SLC19A2: variants seen among roughly 807,000 people sequenced by gnomAD.
SLC19A2 encodes the protein solute carrier family 19 member 2, also known as thiamine transporter 1.
SLC19A2 carries 27 observed loss-of-function variants against 44.7 expected under a neutral mutation model. The ratio of observed to expected loss-of-function variants is 0.60; its 90% CI spans 0.45 to 0.83. SLC19A2 has a LOEUF of 0.83. Ranked by LOEUF, SLC19A2 falls within the 40% of genes least tolerant of loss-of-function variation. The pLI is 0.00. For synonymous variants in SLC19A2, 239 were observed against 243.6 expected (o/e 0.98, Z 0.18); for missense variants, 566 against 613.7 (o/e 0.92, Z 0.82).
chr1:169,485,931 C>T lies in SLC19A2; in HGVS notation c.-165G>A, dbSNP rs1210978958. On this transcript the variant is annotated 5_prime_UTR_variant, in exon 1 of 6. Coordinates refer to ENST00000236137, the MANE Select transcript of SLC19A2 (RefSeq NM_006996.3). ...CGGCTACAGAACCCCCAGCTTTACC[C>T]TACAGACGCCTCTAGGGTCGCTGCC... 1 of 807,422 alleles carries T rather than the reference C, an allele frequency of 1.2e-6. No individual in the cohort carries two copies. Among genetic ancestry groups the T allele is most frequent in the African/African-American group, 1.8e-5 (1 of 57,114 alleles). The allele number at this position is 807,422 out of a possible 1,614,324, so 50.0% of individuals were successfully genotyped here. A position where few individuals can be genotyped will look rare whatever the true frequency, so the allele number is the denominator to read the frequency against.
intron 2 of SLC19A2, among the ~76,000 whole-genome samples, chr1:169,476,032 T>C (rs781391344): frequency 5.3e-4 from 80 of 152,208 alleles, no homozygotes; most frequent in Middle Eastern, 3.4e-3. Flanking sequence ...GGAATGTTAA[T>C]AGGCTTATTT....
At chr1:169,470,947 G>C (rs1466224026) in intron 2 of SLC19A2, among the ~76,000 whole-genome samples, 1 of 151,886 alleles carries the variant, frequency 6.6e-6, no homozygotes, top group Non-Finnish European at 1.5e-5. Flanking sequence ...GGAAGGCCGG[G>C]TGTAGTGACT....
intron 1 of SLC19A2, among the ~76,000 whole-genome samples, chr1:169,482,341 A>G (rs948417947): frequency 2.0e-5 from 3 of 152,182 alleles, no homozygotes; most frequent in Admixed American, 2.0e-4. Flanking sequence ...GGGGTTCAAA[A>G]CCAGCCTGGC....
intron 1 of SLC19A2, among the ~76,000 whole-genome samples, chr1:169,483,813 A>G (rs1395804389): frequency 1.3e-5 from 2 of 152,254 alleles, no homozygotes; most frequent in Non-Finnish European, 2.9e-5. Flanking sequence ...ATCACATGGC[A>G]GTTCACATGA....
chr1:169,467,428 T>A (rs1658063417), intron 5 of SLC19A2, among the ~76,000 whole-genome samples: 1 of 152,178 alleles, frequency 6.6e-6, no homozygotes, highest in African/African-American at 2.4e-5. Flanking sequence ...CAAAGTTAAT[T>A]ACGGCTAATA....
chr1:169,483,809 T>C (rs1658494334), intron 1 of SLC19A2, among the ~76,000 whole-genome samples: 1 of 152,232 alleles, frequency 6.6e-6, no homozygotes, highest in African/African-American at 2.4e-5. Flanking sequence ...GCAGATCACA[T>C]GGCAGTTCAC....
intron 1 of SLC19A2, among the ~76,000 whole-genome samples, chr1:169,477,969 C>T (rs1658364199): frequency 6.6e-6 from 1 of 152,066 alleles, no homozygotes; most frequent in African/African-American, 2.4e-5. Flanking sequence ...TGCAGTGGTA[C>T]GATCTTGGCT....
In SLC19A2 at chr1:169,477,405, G is replaced by A. The variant is rs767845548; in HGVS notation, c.557C>T (p.Ser186Leu). ...AGAGATGACATTCAGGCTGAACAGC[G>A]ACCAGCCTGCCACTGAGACAAGGAT... The part of the protein sequence containing the change: ...GQILVSVAGW[S>L]LFSLNVISLT... The change falls in exon 2 of 6, where the codon TCG (serine) becomes TTG (leucine). Residue 186 changes from serine to leucine, a missense_variant. Transcript: ENST00000236137. 4.7e-5 allele frequency: 76 copies of A among 1,614,020 alleles called. No homozygotes were observed. Among genetic ancestry groups the A allele is most frequent in the Non-Finnish European group, 9.3e-6 (11 of 1,180,040 alleles).
At position 169,485,918 on chromosome 1, in the gene SLC19A2, C is replaced by T. The variant is rs1658557375; in HGVS notation, c.-152G>A. ...TCGCCGCCGCCTCCGGCTACAGAACCCCCAGCTTTACCCTACAGACGCCTC... is the reference window on the plus strand; with the variant it reads ...TCGCCGCCGCCTCCGGCTACAGAACTCCCAGCTTTACCCTACAGACGCCTC... On this transcript the variant is annotated 5_prime_UTR_variant, in exon 1 of 6. Transcript: ENST00000236137. 13 of 932,840 alleles carry T rather than the reference C, an allele frequency of 1.4e-5. No homozygotes were observed. Among genetic ancestry groups the T allele is most frequent in the Non-Finnish European group, 1.7e-5 (11 of 640,328 alleles). The allele number at this position is 932,840 out of a possible 1,614,324, so 57.8% of individuals were successfully genotyped here. A position where few individuals can be genotyped will look rare whatever the true frequency, so the allele number is the denominator to read the frequency against.
In SLC19A2 at chr1:169,477,714, A is replaced by G; in HGVS notation, c.248T>C (p.Val83Ala). 4 of 1,613,804 alleles carry G rather than the reference A, an allele frequency of 2.5e-6. No individual in the cohort carries two copies. The highest frequency in any genetic ancestry group is 3.4e-6 in the Non-Finnish European group (4 of 1,179,862). Residue 83 changes from valine to alanine, a missense_variant, in exon 2 of 6, where the codon GTG becomes GCG. By Grantham distance (64) the Val-to-Ala change is moderately conservative. Coordinates refer to ENST00000236137, the MANE Select transcript of SLC19A2 (RefSeq NM_006996.3). Reference protein sequence around the residue: ...IYPVWTYSYLVLLFPVFLATD... With the variant: ...IYPVWTYSYLALLFPVFLATD... ...GGCAAGGAACACAGGAAACAGTAGC[A>G]CCAGGTAAGAGTAAGTCCATACTGG...
At position 169,468,187 on chromosome 1, in the gene SLC19A2, A is replaced by T; in HGVS notation, c.1289T>A (p.Ile430Asn). ...GAGCAGCGTCTGCAGTGCCAGGGCAATGAAGGTATTTACACCAAATACTAG... is the reference window on the plus strand; with the variant it reads ...GAGCAGCGTCTGCAGTGCCAGGGCATTGAAGGTATTTACACCAAATACTAG... ...YALVFGVNTF[I>N]ALALQTLLTL... is the part of the protein sequence containing the mutation. Residue 430 changes from isoleucine (I) to asparagine (N), a missense_variant, in exon 5 of 6, where the codon ATT becomes AAT. Transcript: ENST00000236137. 2 of 1,613,958 alleles carry T rather than the reference A, an allele frequency of 1.2e-6. No individual in the cohort carries two copies. The highest frequency in any genetic ancestry group is 1.7e-6 in the Non-Finnish European group (2 of 1,179,812).
In SLC19A2 at chr1:169,473,432, C is replaced by T. The variant is rs187038271; in HGVS notation, c.808-3246G>A. Among the ~76,000 whole-genome samples the T allele has an allele frequency of 2.2e-3, 333 of 148,930 alleles. 1 individual carries two copies. Among genetic ancestry groups the T allele is most frequent in the African/African-American group, 7.9e-3 (320 of 40,364 alleles). ...GTATTTTTTTTTTTTTTTTAGCAGACATCGTGTTTCACTATGTTGGCAAGG... is the reference window on the plus strand; with the variant it reads ...GTATTTTTTTTTTTTTTTTAGCAGATATCGTGTTTCACTATGTTGGCAAGG... On this transcript the variant is annotated intron_variant, in intron 2 of 5. Coordinates refer to ENST00000236137, the MANE Select transcript of SLC19A2 (RefSeq NM_006996.3).
chr1:169,485,901 G>T lies in SLC19A2; in HGVS notation c.-135C>A, dbSNP rs963860058. 2 of 1,055,306 alleles carry T rather than the reference G, an allele frequency of 1.9e-6. No individual in the cohort carries two copies. Among genetic ancestry groups the T allele is most frequent in the African/African-American group, 1.6e-5 (1 of 61,816 alleles). The allele number at this position is 1,055,306 out of a possible 1,614,324, so 65.4% of individuals were successfully genotyped here. The stretch of plus-strand genomic sequence containing the variant: ...GCCAGGACGTTCTGGACTCGCCGCC[G>T]CCTCCGGCTACAGAACCCCCAGCTT... On this transcript the variant is annotated 5_prime_UTR_variant, in exon 1 of 6. Transcript: ENST00000236137.
At chr1:169,471,698 G>GTGTGTGTGTGTGTGTGTGTGTGTA (rs1553212202) in intron 2 of SLC19A2, among the ~76,000 whole-genome samples, 293 of 146,942 alleles carry the variant, frequency 2.0e-3, no homozygotes, top group Middle Eastern at 6.9e-3. Context: ...GTGTGTGTGT[G>GTGTGTGTGTGTGTGTGTGTGTGTA]TATATATACA....
rs1292294240 is a variant in SLC19A2 at position 169,485,695 on chromosome 1, C to T, written c.72G>A (p.Arg24=). The change falls in exon 1 of 6, where the codon CGG becomes CGA. Residue 24 remains arginine (R), a synonymous_variant. Coordinates refer to ENST00000236137, the MANE Select transcript of SLC19A2 (RefSeq NM_006996.3). ...GCAAGAACCAGCATTCGCGACGGAC[C>T]CGAGCGGTCCGCAGGAGCACAGTGG... ...AAATVLLRTA[R]VRRECWFLPT... 1.9e-6 allele frequency: 3 copies of T among 1,546,790 alleles called. No individual in the cohort carries two copies. The East Asian group carries it at 7.3e-5, about 38-fold the overall frequency.
At chr1:169,470,862 A>C (rs1658155881) in intron 2 of SLC19A2, among the ~76,000 whole-genome samples, 1 of 152,210 alleles carries the variant, frequency 6.6e-6, no homozygotes, top group Non-Finnish European at 1.5e-5. Context: ...TCTGTGAGAT[A>C]TCTCTGATTT....
intron 1 of SLC19A2, 52 bp downstream of exon 1, chr1:169,485,511 A>C (rs1031664096): frequency 6.5e-7 from 1 of 1,540,926 alleles, no homozygotes; most frequent in South Asian, 1.2e-5. Context: ...TCCGCTGCCC[A>C]CCCGCAGGCC....
intron 1 of SLC19A2, among the ~76,000 whole-genome samples, chr1:169,483,804 T>C (rs1397656558): frequency 2.0e-5 from 3 of 152,212 alleles, no homozygotes; most frequent in Non-Finnish European, 4.4e-5. Flanking sequence ...ACTGTGCAGA[T>C]CACATGGCAG....
chr1:169,483,850 A>G (rs995879125), intron 1 of SLC19A2, among the ~76,000 whole-genome samples: 2 of 152,260 alleles, frequency 1.3e-5, no homozygotes, highest in African/African-American at 4.8e-5. Context: ...TGTTCACAGC[A>G]GTATCAATTC....
Sources: allele counts gnomAD v4.1 joint callset (sites outside exome capture counted in the v4.1 genomes callset), GRCh38; gene constraint gnomAD v4.1.1; transcripts MANE v1.5; gene names NCBI Gene and HGNC (gene_info 2026-07-23, HGNC 2026-07-21).